The following CNTN5 variants were observed in gnomAD, a reference collection of about 807,000 sequenced individuals.
CNTN5 encodes contactin 5.
In CNTN5, 77 loss-of-function variants were observed where a neutral mutation model predicts 129.1. The ratio of observed to expected loss-of-function variants is 0.60; its 90% CI spans 0.50 to 0.72. The LOEUF is 0.72. Ranked by LOEUF, CNTN5 falls within the 30% of genes least tolerant of loss-of-function variation. The pLI is 0.00. For missense variants in CNTN5, 1,478 were observed against 1,328.8 expected (o/e 1.11, Z -1.75); for synonymous variants, 509 against 465.6 (o/e 1.09, Z -1.20).
chr11:99,737,299 T>C (rs1410659029), intron 3 of CNTN5, among the ~76,000 whole-genome samples: 1 of 152,200 alleles, frequency 6.6e-6, no homozygotes, highest in Non-Finnish European at 1.5e-5. Flanking sequence ...ATTGTTCTCC[T>C]GAAGCTCCTG....
chr11:99,567,455 A>G (rs1446639733), intron 3 of CNTN5, among the ~76,000 whole-genome samples: 1 of 151,994 alleles, frequency 6.6e-6, no homozygotes, highest in East Asian at 1.9e-4. Context: ...TTCTGCCAAG[A>G]TGATGATGTA....
chr11:99,303,995 C>A (rs1490195995), intron 1 of CNTN5, among the ~76,000 whole-genome samples: 2 of 152,090 alleles, frequency 1.3e-5, no homozygotes, highest in Non-Finnish European at 2.9e-5. Context: ...AAGTTTCTTC[C>A]ATGTTAATGT....
intron 1 of CNTN5, among the ~76,000 whole-genome samples, chr11:99,141,383 C>T (rs984220830): frequency 6.6e-6 from 1 of 151,790 alleles, no homozygotes; most frequent in African/African-American, 2.4e-5. Context: ...TGTCATTTCT[C>T]ATTTTGTTTA....
chr11:100,284,229 T>G (rs376032653), intron 18 of CNTN5, among the ~76,000 whole-genome samples: 7 of 152,338 alleles, frequency 4.6e-5, no homozygotes, highest in South Asian at 4.1e-4. Context: ...ATACTGTGAG[T>G]GCTCACCTGA....
intron 16 of CNTN5, among the ~76,000 whole-genome samples, chr11:100,228,245 G>A (rs978176668): frequency 6.6e-6 from 1 of 152,186 alleles, no homozygotes; most frequent in Non-Finnish European, 1.5e-5. Flanking sequence ...GAGTCCTTCT[G>A]AATACACAGC....
intron 3 of CNTN5, among the ~76,000 whole-genome samples, chr11:99,574,738 C>T (rs904453471): frequency 6.6e-6 from 1 of 152,028 alleles, no homozygotes; most frequent in Non-Finnish European, 1.5e-5. Flanking sequence ...ATGTTCTTTG[C>T]CCACTTTTTG....
At chr11:99,165,081 G>A (rs1037006079) in intron 1 of CNTN5, among the ~76,000 whole-genome samples, 1 of 152,122 alleles carries the variant, frequency 6.6e-6, no homozygotes, top group Non-Finnish European at 1.5e-5. Context: ...GTTTATACCA[G>A]TGGTTTAATG....
chr11:99,811,121 A>G (rs1447192127), intron 3 of CNTN5, among the ~76,000 whole-genome samples: 1 of 152,040 alleles, frequency 6.6e-6, no homozygotes, highest in Admixed American at 6.6e-5. Context: ...GGTGTTGCTC[A>G]CTCTTCTGTA....
chr11:100,189,421 A>G (rs901480328), intron 13 of CNTN5, among the ~76,000 whole-genome samples: 92 of 152,194 alleles, frequency 6.0e-4, no homozygotes, highest in African/African-American at 2.2e-3. Context: ...ATCAAAAACT[A>G]TAATACTGCC....
At chr11:99,779,041 T>A (rs1945222627) in intron 3 of CNTN5, among the ~76,000 whole-genome samples, 1 of 151,872 alleles carries the variant, frequency 6.6e-6, no homozygotes, top group Admixed American at 6.6e-5. Flanking sequence ...AGAAAATTTT[T>A]AAAAAGACAC....
At chr11:99,681,609 A>G (rs1202995360) in intron 3 of CNTN5, among the ~76,000 whole-genome samples, 1 of 152,076 alleles carries the variant, frequency 6.6e-6, no homozygotes, top group Admixed American at 6.5e-5. Context: ...AGTAAAGTGT[A>G]AACATGAATT....
chr11:99,221,895 TCTTA>T (rs1860413758), intron 1 of CNTN5, among the ~76,000 whole-genome samples: 1 of 151,980 alleles, frequency 6.6e-6, no homozygotes, highest in Non-Finnish European at 1.5e-5. Flanking sequence ...TCAATATTTC[TCTTA>T]CTTTTACTTT....
chr11:100,278,788 C>G (rs928784762), intron 18 of CNTN5, among the ~76,000 whole-genome samples: 1 of 151,890 alleles, frequency 6.6e-6, no homozygotes, highest in African/African-American at 2.4e-5. Flanking sequence ...AATTTGGATG[C>G]CTTTTATATA....
At chr11:99,947,962 C>T (rs60594028) in intron 7 of CNTN5, among the ~76,000 whole-genome samples, 9 of 152,084 alleles carry the variant, frequency 5.9e-5, no homozygotes, top group Admixed American at 2.0e-4. Context: ...TTTAATTATT[C>T]GTGTTATGTA....
chr11:100,113,064 G>T (rs550155373), intron 13 of CNTN5, among the ~76,000 whole-genome samples: 2 of 151,986 alleles, frequency 1.3e-5, no homozygotes, highest in African/African-American at 4.8e-5. Flanking sequence ...TATTTAACCT[G>T]TTTGAGTCTT....
intron 6 of CNTN5, among the ~76,000 whole-genome samples, chr11:99,869,989 C>T (rs1198230132): frequency 1.3e-5 from 2 of 152,072 alleles, no homozygotes; most frequent in Admixed American, 6.6e-5. Context: ...TGCTGATTTA[C>T]CCTTCCCCCC....
chr11:99,166,778 GT>G (rs1860894727), intron 1 of CNTN5, among the ~76,000 whole-genome samples: 1 of 140,244 alleles, frequency 7.1e-6, no homozygotes, highest in Admixed American at 7.2e-5. Context: ...TTTGGTTTTT[GT>G]TTTTTCATTT....
At chr11:99,734,957 G>A (rs181910815) in intron 3 of CNTN5, among the ~76,000 whole-genome samples, 2 of 152,218 alleles carry the variant, frequency 1.3e-5, no homozygotes, top group East Asian at 1.9e-4. Flanking sequence ...GCAGTGAGCC[G>A]AGATAGCACC....
intron 3 of CNTN5, among the ~76,000 whole-genome samples, chr11:99,773,729 T>C (rs938801864): frequency 6.6e-6 from 1 of 152,098 alleles, no homozygotes; most frequent in African/African-American, 2.4e-5. Flanking sequence ...CGTTTAAAGT[T>C]GCTATCTGAG....
Sources: allele counts gnomAD v4.1 joint callset (sites outside exome capture counted in the v4.1 genomes callset), GRCh38; gene constraint gnomAD v4.1.1; transcripts MANE v1.5; gene names NCBI Gene and HGNC (gene_info 2026-07-23, HGNC 2026-07-21).